Variants in TAB2 observed in about 807,000 individuals in gnomAD.
TAB2 encodes TGF-beta activated kinase 1 (MAP3K7) binding protein 2, also known as TGF-beta-activated kinase 1 and MAP3K7-binding protein 2.
Under a neutral mutation model 65.0 loss-of-function variants are expected in TAB2, and 3 were observed. The observed-to-expected ratio is 0.05, with a 90% CI of 0.02 to 0.12. TAB2 has a LOEUF of 0.12. Among genes scored for constraint, TAB2 ranks in the 10% least tolerant of loss-of-function variants. The probability of loss-of-function intolerance (pLI) is 1.00; values close to 1 mark genes in which losing one functional copy is unlikely to be tolerated. For synonymous variants in TAB2, 298 were observed against 285.1 expected (o/e 1.05, Z -0.46); for missense variants, 623 against 840.3 (o/e 0.74, Z 3.20).
In TAB2 at chr6:149,378,708, C is replaced by T. The variant is rs140436062; in HGVS notation, c.793C>T (p.Leu265=). 9 of 1,614,098 alleles carry T rather than the reference C, an allele frequency of 5.6e-6. No individual in the cohort carries two copies. Among genetic ancestry groups the T allele is most frequent in the Non-Finnish European group, 7.6e-6 (9 of 1,180,028 alleles). The change falls in exon 3 of 7, where the codon CTG becomes TTG. Residue 265 remains leucine, a synonymous_variant. Coordinates refer to ENST00000637181, the MANE Select transcript of TAB2 (RefSeq NM_001292034.3). ...PWTTCPASNP[L]SHTSSQQPNQ... is the part of the protein sequence containing the mutation. The stretch of plus-strand genomic sequence containing the variant: ...GACTACTTGTCCTGCATCTAATCCT[C>T]TGTCACATACCTCATCTCAACAGCC...
At chr6:149,376,489 T>C (rs1781400377) in intron 2 of TAB2, among the ~76,000 whole-genome samples, 1 of 152,260 alleles carries the variant, frequency 6.6e-6, no homozygotes. Flanking sequence ...ATGCTTTTAC[T>C]TAACTCTCAC....
intron 1 of TAB2, among the ~76,000 whole-genome samples, chr6:149,275,292 GAAA>G (rs1240934567): frequency 5.9e-5 from 8 of 136,606 alleles, no homozygotes; most frequent in Non-Finnish European, 3.3e-5. Context: ...AAGAAAGAAA[GAAA>G]GAAAGAGAAA....
intron 1 of TAB2, among the ~76,000 whole-genome samples, chr6:149,327,149 C>T (rs1009046329): frequency 6.6e-6 from 1 of 152,080 alleles, no homozygotes. Flanking sequence ...ATCCTATGGA[C>T]TATTTTGTCT....
intron 1 of TAB2, among the ~76,000 whole-genome samples, chr6:149,223,594 A>G (rs1269265093): frequency 6.6e-6 from 1 of 152,186 alleles, no homozygotes. Context: ...AGTCCCCATT[A>G]TGCAGGTTTT....
chr6:149,381,948 C>G (rs912740252), intron 3 of TAB2, among the ~76,000 whole-genome samples: 2 of 152,166 alleles, frequency 1.3e-5, no homozygotes, highest in Non-Finnish European at 2.9e-5. Flanking sequence ...ATTGCAGTGA[C>G]CTACCCATTC....
chr6:149,332,181 A>G (rs1017567101), intron 1 of TAB2, among the ~76,000 whole-genome samples: 4 of 152,142 alleles, frequency 2.6e-5, no homozygotes, highest in African/African-American at 7.2e-5. Context: ...TGGATGTGTT[A>G]ACTTTGAAAT....
intron 1 of TAB2, chr6:149,243,805 T>C (rs1354783150): frequency 1.3e-5 from 2 of 152,208 alleles, no homozygotes; most frequent in Non-Finnish European, 2.9e-5. Flanking sequence ...TGGGGAGAAG[T>C]GATTGAAGGT....
intron 1 of TAB2, chr6:149,321,301 ATACTT>A (rs1043484992): frequency 3.9e-5 from 6 of 152,208 alleles, no homozygotes; most frequent in Non-Finnish European, 7.4e-5. Context: ...TATTTCCAGA[ATACTT>A]AACAGTATTT....
At chr6:149,288,765 C>T (rs1465627831) in intron 1 of TAB2, among the ~76,000 whole-genome samples, 1 of 152,020 alleles carries the variant, frequency 6.6e-6, no homozygotes, top group Non-Finnish European at 1.5e-5. Flanking sequence ...TAAGACTGCA[C>T]ACAAATAGCT....
intron 1 of TAB2, among the ~76,000 whole-genome samples, chr6:149,295,733 A>G (rs1778863424): frequency 6.6e-6 from 1 of 151,554 alleles, no homozygotes; most frequent in Admixed American, 6.6e-5. Context: ...TGTCATATTT[A>G]CTCTTCTCTG....
At position 149,397,563 on chromosome 6, in the gene TAB2, T is replaced by A. The variant is rs1354301615; in HGVS notation, c.1604-41T>A. Reference sequence around the variant, plus strand: ...CAAGTCTGCTTAAAGGTTAATTGATTAAAGTGGGTGGGTCCTCATGTTTAC... The same window carrying A: ...CAAGTCTGCTTAAAGGTTAATTGATAAAAGTGGGTGGGTCCTCATGTTTAC... On this transcript the variant is annotated intron_variant, in intron 3 of 6. Coordinates refer to ENST00000637181, the MANE Select transcript of TAB2 (RefSeq NM_001292034.3). The A allele has an allele frequency of 1.9e-6, 3 of 1,611,496 alleles. No individual in the cohort carries two copies. In the Admixed American group the frequency reaches 5.0e-5, roughly 27 times the overall value.
intron 1 of TAB2, among the ~76,000 whole-genome samples, chr6:149,275,139 T>TATTA (rs1554255793): frequency 8.8e-6 from 1 of 113,480 alleles, no homozygotes; most frequent in African/African-American, 3.6e-5. Flanking sequence ...TTTTTTTTTT[T>TATTA]TTTTGAGTTG....
At chr6:149,339,585 TTTTATTTA>T (rs869044349) in intron 1 of TAB2, among the ~76,000 whole-genome samples, 1 of 24,206 alleles carries the variant, frequency 4.1e-5, no homozygotes, top group African/African-American at 9.8e-5. Context: ...AATTAATCTT[TTTTATTTA>T]TTTATTTATT....
intron 1 of TAB2, among the ~76,000 whole-genome samples, chr6:149,311,897 A>G (rs1401981710): frequency 1.3e-5 from 2 of 152,250 alleles, no homozygotes; most frequent in Non-Finnish European, 2.9e-5. Context: ...CCTTAAATGT[A>G]TTGACCACCC....
At chr6:149,299,364 G>C (rs1018732898) in intron 1 of TAB2, among the ~76,000 whole-genome samples, 1 of 152,168 alleles carries the variant, frequency 6.6e-6, no homozygotes, top group African/African-American at 2.4e-5. Context: ...TTGAGGCTGG[G>C]AGATCAAAAC....
chr6:149,325,556 C>G (rs1779575266), intron 1 of TAB2, among the ~76,000 whole-genome samples: 1 of 152,046 alleles, frequency 6.6e-6, no homozygotes, highest in African/African-American at 2.4e-5. Context: ...CTTGCCTGTT[C>G]CTGTGGGAAA....
intron 3 of TAB2, among the ~76,000 whole-genome samples, chr6:149,384,512 T>G (rs994044733): frequency 3.9e-5 from 6 of 152,008 alleles, no homozygotes; most frequent in African/African-American, 1.5e-4. Flanking sequence ...GAGACAAAAG[T>G]GGAAAGAACA....
intron 1 of TAB2, among the ~76,000 whole-genome samples, chr6:149,281,968 T>C (rs983040806): frequency 6.6e-6 from 1 of 152,204 alleles, no homozygotes; most frequent in African/African-American, 2.4e-5. Flanking sequence ...ATTACATTTA[T>C]GCATTTTCTA....
chr6:149,403,248 ATATATATATATATATATAT>A (rs1344918323), intron 6 of TAB2, among the ~76,000 whole-genome samples: 1 of 30,580 alleles, frequency 3.3e-5, no homozygotes, highest in African/African-American at 1.5e-4. Flanking sequence ...AAAAAAAAAA[ATATATATATATATATATAT>A]ATATATATAT....
Sources: allele counts gnomAD v4.1 joint callset (sites outside exome capture counted in the v4.1 genomes callset), GRCh38; gene constraint gnomAD v4.1.1; transcripts MANE v1.5; gene names NCBI Gene and HGNC (gene_info 2026-07-23, HGNC 2026-07-21).